Variants in PTPRD observed in about 807,000 individuals in gnomAD.
PTPRD encodes receptor-type tyrosine-protein phosphatase delta.
In PTPRD, 34 loss-of-function variants were observed where a neutral mutation model predicts 214.5. The observed-to-expected ratio is 0.16, with a 90% CI of 0.12 to 0.21. PTPRD has a LOEUF of 0.21. Among genes scored for constraint, PTPRD ranks in the 10% least tolerant of loss-of-function variants. The pLI, the probability that PTPRD is intolerant of heterozygous loss-of-function variation, is 1.00. For synonymous variants in PTPRD, 1,128 were observed against 845.7 expected (o/e 1.33, Z -5.79); for missense variants, 2,545 against 2,398.7 (o/e 1.06, Z -1.27).
chr9:9,612,347 C>A (rs905697023), intron 7 of PTPRD, among the ~76,000 whole-genome samples: 3 of 152,082 alleles, frequency 2.0e-5, no homozygotes, highest in Non-Finnish European at 4.4e-5. Flanking sequence ...TGCCACCCCA[C>A]GACACAAATC....
At chr9:10,002,134 C>G (rs1037920816) in intron 4 of PTPRD, among the ~76,000 whole-genome samples, 1 of 150,832 alleles carries the variant, frequency 6.6e-6, no homozygotes, top group African/African-American at 2.4e-5. Context: ...TAATTGTAAT[C>G]CCAAGCACAA....
intron 2 of PTPRD, among the ~76,000 whole-genome samples, chr9:10,411,077 T>A (rs927067664): frequency 5.1e-4 from 77 of 151,936 alleles, no homozygotes; most frequent in African/African-American, 1.7e-3. Flanking sequence ...TGTTACCTTT[T>A]TAAATTTATT....
At chr9:9,602,297 C>T (rs1052405452) in intron 7 of PTPRD, among the ~76,000 whole-genome samples, 2 of 151,892 alleles carry the variant, frequency 1.3e-5, no homozygotes, top group Admixed American at 6.6e-5. Context: ...TAGGCCTTTT[C>T]AATTTGAAAT....
At chr9:8,561,108 T>C (rs1181305875) in intron 14 of PTPRD, among the ~76,000 whole-genome samples, 1 of 152,188 alleles carries the variant, frequency 6.6e-6, no homozygotes, top group Non-Finnish European at 1.5e-5. Flanking sequence ...TCTTCCCATT[T>C]GTTGCACTTT....
chr9:8,388,453 T>C (rs928126036), intron 37 of PTPRD, among the ~76,000 whole-genome samples: 6 of 152,182 alleles, frequency 3.9e-5, no homozygotes, highest in African/African-American at 1.4e-4. Context: ...GATCCCATCA[T>C]TAATTTCTCA....
chr9:9,992,574 G>C (rs2095979511), intron 4 of PTPRD, among the ~76,000 whole-genome samples: 1 of 152,154 alleles, frequency 6.6e-6, no homozygotes, highest in Non-Finnish European at 1.5e-5. Flanking sequence ...TGATAGACTG[G>C]GTTAAGAAAA....
chr9:8,819,457 T>C (rs998741605), intron 11 of PTPRD, among the ~76,000 whole-genome samples: 3 of 152,122 alleles, frequency 2.0e-5, no homozygotes, highest in Non-Finnish European at 4.4e-5. Flanking sequence ...GAGGTCAGGA[T>C]TCAAGATCAG....
At chr9:9,345,205 C>G (rs903945887) in intron 9 of PTPRD, among the ~76,000 whole-genome samples, 2 of 152,134 alleles carry the variant, frequency 1.3e-5, no homozygotes, top group African/African-American at 4.8e-5. Flanking sequence ...TTCTTCCTTA[C>G]TGATAATTAC....
intron 5 of PTPRD, among the ~76,000 whole-genome samples, chr9:9,816,565 A>C (rs992421972): frequency 2.0e-5 from 3 of 152,094 alleles, no homozygotes; most frequent in African/African-American, 7.2e-5. Flanking sequence ...AATATATTGA[A>C]CAATATAATA....
intron 3 of PTPRD, among the ~76,000 whole-genome samples, chr9:10,035,627 G>C (rs907495055): frequency 4.0e-5 from 6 of 151,782 alleles, no homozygotes; most frequent in Non-Finnish European, 7.4e-5. Context: ...GTTGACGCTT[G>C]GTCTACCTCT....
chr9:8,551,753 A>C (rs951570184), intron 14 of PTPRD, among the ~76,000 whole-genome samples: 6 of 152,216 alleles, frequency 3.9e-5, no homozygotes, highest in South Asian at 4.1e-4. Context: ...ATAATGAAGA[A>C]AGTCCACAAA....
chr9:10,268,569 G>A (rs2094233671), intron 3 of PTPRD, among the ~76,000 whole-genome samples: 2 of 152,066 alleles, frequency 1.3e-5, no homozygotes, highest in African/African-American at 4.8e-5. Context: ...ACCTAACACA[G>A]ATAGATTGAT....
intron 10 of PTPRD, chr9:9,090,834 C>G (rs7864207): frequency 0.025 from 19,198 of 754,884 alleles, 536 homozygotes; most frequent in African/African-American, 0.1. Context: ...ATATCTTATT[C>G]CATTGACAAT....
At chr9:8,512,371 A>G (rs760960314) in intron 21 of PTPRD, among the ~76,000 whole-genome samples, 5 of 152,088 alleles carry the variant, frequency 3.3e-5, no homozygotes, top group Non-Finnish European at 4.4e-5. Flanking sequence ...ATTTTATTAT[A>G]GTTGTATTTA....
intron 4 of PTPRD, among the ~76,000 whole-genome samples, chr9:10,016,497 A>G (rs1197206260): frequency 6.6e-6 from 1 of 152,180 alleles, no homozygotes; most frequent in Non-Finnish European, 1.5e-5. Flanking sequence ...ACTGTGGGTG[A>G]AAGTTAGAGA....
intron 8 of PTPRD, among the ~76,000 whole-genome samples, chr9:9,440,246 T>C (rs2087007693): frequency 6.6e-6 from 1 of 152,226 alleles, no homozygotes; most frequent in Admixed American, 6.5e-5. Context: ...CAGCTTGGAA[T>C]GTTTATCAAA....
intron 5 of PTPRD, among the ~76,000 whole-genome samples, chr9:9,823,287 G>C (rs1038886658): frequency 6.6e-6 from 1 of 151,936 alleles, no homozygotes; most frequent in African/African-American, 2.4e-5. Context: ...GGAAGGCAAA[G>C]GGGGAGCAGG....
intron 8 of PTPRD, among the ~76,000 whole-genome samples, chr9:9,482,244 A>G (rs1466282465): frequency 2.0e-5 from 3 of 152,186 alleles, no homozygotes; most frequent in Non-Finnish European, 4.4e-5. Context: ...ACATTCCTAG[A>G]TATTTGAGAA....
intron 35 of PTPRD, among the ~76,000 whole-genome samples, chr9:8,434,003 G>A (rs1222231745): frequency 6.6e-6 from 1 of 150,394 alleles, no homozygotes; most frequent in Admixed American, 6.6e-5. Flanking sequence ...TTGTTTGTTT[G>A]TTTGTTTCAC....
Sources: gnomAD v4.1 joint callset for allele counts (sites outside exome capture counted in the v4.1 genomes callset) on GRCh38, gnomAD v4.1.1 for gene constraint, MANE v1.5 for transcripts, NCBI Gene and HGNC (gene_info 2026-07-23, HGNC 2026-07-21) for gene names.